Variants in ISM1 observed in about 807,000 individuals in gnomAD.
ISM1 encodes the protein isthmin-1.
In ISM1, 25 loss-of-function variants were observed where a neutral mutation model predicts 46.3. That is an observed-to-expected ratio of 0.54 (90% CI 0.39 to 0.75). The LOEUF (loss-of-function observed/expected upper bound fraction) is 0.75. Ranked by LOEUF, ISM1 falls within the 30% of genes least tolerant of loss-of-function variation. The pLI, the probability that ISM1 is intolerant of heterozygous loss-of-function variation, is 0.00. For synonymous variants in ISM1, 255 were observed against 256.7 expected (o/e 0.99, Z 0.06); for missense variants, 536 against 625.4 (o/e 0.86, Z 1.52).
intron 4 of ISM1, among the ~76,000 whole-genome samples, chr20:13,289,556 C>T (rs758907455): frequency 3.9e-5 from 6 of 151,932 alleles, no homozygotes; most frequent in Non-Finnish European, 5.9e-5. Context: ...AGGTCTGGCT[C>T]GAGACCTGTT....
chr20:13,276,327 T>C (rs943464431), intron 2 of ISM1, among the ~76,000 whole-genome samples: 1 of 152,130 alleles, frequency 6.6e-6, no homozygotes, highest in African/African-American at 2.4e-5. Context: ...CTGAGAATGG[T>C]GTGGGTTTCC....
chr20:13,325,850 T>C, the ISM1 span, among the ~76,000 whole-genome samples: 1 of 152,228 alleles, frequency 6.6e-6, no homozygotes, highest in Admixed American at 6.5e-5. Flanking sequence ...CATTGTTCTT[T>C]AATCCCAGCA....
At chr20:13,302,443 C>G (rs1401449847), downstream of ISM1, among the ~76,000 whole-genome samples, 1 of 152,184 alleles carries the variant, frequency 6.6e-6, no homozygotes, top group Non-Finnish European at 1.5e-5. Flanking sequence ...CTTCGGAAAT[C>G]AAGACCTCAT....
chr20:13,324,175 G>A, the ISM1 span, among the ~76,000 whole-genome samples: 3 of 152,284 alleles, frequency 2.0e-5, no homozygotes, highest in East Asian at 5.8e-4. Flanking sequence ...GAATGCTTGT[G>A]TACCTGTTTA....
rs371315100 is a variant in ISM1 at position 13,292,388 on chromosome 20, T to C, written c.802T>C (p.Phe268Leu). ...RPNCPGIEDT[F>L]RTAATEVSLL... ...TCTGTGTTTAGGAATTGAAGACACT[T>C]TTAGGACAGCTGCCACCGAAGTGAG... The change falls in exon 5 of 6, where the codon TTT (phenylalanine) becomes CTT (leucine). Residue 268 changes from phenylalanine (F) to leucine (L), a missense_variant. Phe to Leu is a conservative substitution (Grantham distance 22). This residue lies in a region of ISM1 where 367 missense variants were observed against 376.1 expected (regional missense o/e 0.98). Transcript: ENST00000262487. 4.4e-6 allele frequency: 7 copies of C among 1,602,530 alleles called. No homozygotes were observed. In the African/African-American group the frequency reaches 8.0e-5, roughly 18 times the overall value.
At chr20:13,281,942 G>A (rs1286676500) in intron 3 of ISM1, among the ~76,000 whole-genome samples, 1 of 152,144 alleles carries the variant, frequency 6.6e-6, no homozygotes, top group Non-Finnish European at 1.5e-5. Context: ...AGTCCTCAAA[G>A]TGTGGCCCCC....
intron 1 of ISM1, among the ~76,000 whole-genome samples, chr20:13,227,634 G>A (rs528229729): frequency 2.4e-3 from 357 of 150,924 alleles, no homozygotes; most frequent in African/African-American, 7.2e-3. Context: ...TCAGCCTCCC[G>A]GGTAGCTGGG....
intron 2 of ISM1, among the ~76,000 whole-genome samples, chr20:13,271,735 C>G (rs184590152): frequency 6.6e-6 from 1 of 152,164 alleles, no homozygotes; most frequent in Non-Finnish European, 1.5e-5. Flanking sequence ...GCTCATCCCC[C>G]GGGCAACCCA....
chr20:13,302,683 C>T (rs551152499), downstream of ISM1, among the ~76,000 whole-genome samples: 21 of 152,240 alleles, frequency 1.4e-4, no homozygotes, highest in African/African-American at 2.4e-5. Flanking sequence ...AATATGACCC[C>T]GCAGTAGCTG....
intron 1 of ISM1, among the ~76,000 whole-genome samples, chr20:13,228,090 A>C (rs2039548995): frequency 6.7e-6 from 1 of 150,040 alleles, no homozygotes; most frequent in Non-Finnish European, 1.5e-5. Context: ...CTCGTGCCTC[A>C]GCCTCCCAAA....
downstream of ISM1, among the ~76,000 whole-genome samples, chr20:13,304,720 G>A (rs576146236): frequency 8.3e-4 from 126 of 152,230 alleles, no homozygotes; most frequent in African/African-American, 2.8e-3. Flanking sequence ...ATTGGTCAAT[G>A]AATACCCCAA....
At chr20:13,252,937 C>G (rs183200254) in intron 1 of ISM1, among the ~76,000 whole-genome samples, 2 of 152,294 alleles carry the variant, frequency 1.3e-5, no homozygotes, top group East Asian at 1.9e-4. Context: ...CCAGCCCCCC[C>G]TCTCAGATCT....
At chr20:13,276,532 G>C (rs1237489323) in intron 2 of ISM1, among the ~76,000 whole-genome samples, 1 of 152,184 alleles carries the variant, frequency 6.6e-6, no homozygotes, top group Non-Finnish European at 1.5e-5. Flanking sequence ...TGAACTTGAG[G>C]CTTTTGAAAG....
At chr20:13,271,286 A>G (rs1423223532) in intron 2 of ISM1, among the ~76,000 whole-genome samples, 4 of 152,222 alleles carry the variant, frequency 2.6e-5, no homozygotes, top group Non-Finnish European at 5.9e-5. Context: ...CTTACAAAAC[A>G]ATAAGAGGAA....
intron 1 of ISM1, among the ~76,000 whole-genome samples, chr20:13,237,175 T>C (rs913890064): frequency 1.3e-5 from 2 of 152,182 alleles, no homozygotes; most frequent in African/African-American, 2.4e-5. Flanking sequence ...TACAATTCAA[T>C]TGAGATTTGA....
chr20:13,239,091 C>A (rs933550638), intron 1 of ISM1: 8 of 152,140 alleles, frequency 5.3e-5, no homozygotes, highest in African/African-American at 1.9e-4. Flanking sequence ...GAATCCACAT[C>A]AACTAGAAAA....
At chr20:13,314,032 G>A in the ISM1 span, among the ~76,000 whole-genome samples, 342 of 152,190 alleles carry the variant, frequency 2.2e-3, no homozygotes, top group African/African-American at 7.9e-3. Flanking sequence ...CTTGACTGAA[G>A]AAAGAATCTC....
the ISM1 span, among the ~76,000 whole-genome samples, chr20:13,311,223 T>TAGAC: frequency 9.0e-6 from 1 of 111,152 alleles, no homozygotes; most frequent in Non-Finnish European, 1.9e-5. Flanking sequence ...AGATGATAGA[T>TAGAC]AGATAGATAG....
intron 1 of ISM1, among the ~76,000 whole-genome samples, chr20:13,225,599 A>C (rs1401773950): frequency 6.6e-6 from 1 of 152,210 alleles, no homozygotes; most frequent in African/African-American, 2.4e-5. Flanking sequence ...CGATGTTACA[A>C]GGTGGCAGTA....
Sources: gnomAD v4.1 joint callset for allele counts (sites outside exome capture counted in the v4.1 genomes callset) on GRCh38, gnomAD v4.1.1 for gene constraint, gnomAD v4.1.1 regional missense constraint, MANE v1.5 for transcripts, NCBI Gene and HGNC (gene_info 2026-07-23, HGNC 2026-07-21) for gene names.